Variants in IRAG1 observed in about 807,000 individuals in gnomAD.
The protein encoded by IRAG1 is inositol 1,4,5-triphosphate receptor associated 1, also known as IP3R-associated cGMP kinase substrate.
In IRAG1, 62 loss-of-function variants were observed where a neutral mutation model predicts 106.2. That is an observed-to-expected ratio of 0.58 (90% CI 0.48 to 0.72). The LOEUF is 0.72. Ranked by LOEUF, IRAG1 falls within the 30% of genes least tolerant of loss-of-function variation. IRAG1 has a pLI of 0.00. For synonymous variants in IRAG1, 462 were observed against 443.9 expected (o/e 1.04, Z -0.51); for missense variants, 1,064 against 1,140.7 (o/e 0.93, Z 0.97).
intron 4 of IRAG1, among the ~76,000 whole-genome samples, chr11:10,630,944 G>C (rs1273836664): frequency 6.6e-6 from 1 of 152,208 alleles, no homozygotes; most frequent in Non-Finnish European, 1.5e-5. Context: ...GGATTGGCTC[G>C]GGGATGGCCA....
chr11:10,618,455 G>C (rs540038642), intron 10 of IRAG1, among the ~76,000 whole-genome samples: 1 of 152,220 alleles, frequency 6.6e-6, no homozygotes, highest in Non-Finnish European at 1.5e-5. Flanking sequence ...CAATGAGCTG[G>C]GAGCTAAGGA....
chr11:10,627,073 G>T (rs1250982796), intron 8 of IRAG1, among the ~76,000 whole-genome samples: 1 of 152,168 alleles, frequency 6.6e-6, no homozygotes, highest in Admixed American at 6.5e-5. Context: ...TCTTGCAAAG[G>T]TGATGTCTTC....
At chr11:10,652,369 G>A (rs1360566562) in intron 1 of IRAG1, 187 bp from the exon 2 acceptor site, 2 of 1,419,848 alleles carry the variant, frequency 1.4e-6, no homozygotes, top group African/African-American at 2.9e-5. Context: ...TGTTTACAAA[G>A]TCAGAGGTGA....
intron 1 of IRAG1, among the ~76,000 whole-genome samples, chr11:10,676,511 T>C (rs1268310691): frequency 6.6e-6 from 1 of 152,192 alleles, no homozygotes; most frequent in East Asian, 1.9e-4. Flanking sequence ...TGGGTTGTAA[T>C]TGAGGAATGA....
Position 10,693,551 on chromosome 11 carries a change from TCTC to T in IRAG1, c.49_51del (p.Glu17del). On this transcript the variant is annotated inframe_deletion, in exon 1 of 21. Coordinates refer to ENST00000423302, the MANE Select transcript of IRAG1 (RefSeq NM_130385.4). ...GGAGGCTTACCTAAAACTGAGTTAT[TCTC>T]CTTTCCTCCTCTGGCCAGCCTCTCT... 1.3e-6 allele frequency: 2 copies of T among 1,535,614 alleles called. No individual in the cohort carries two copies. The highest frequency in any genetic ancestry group is 1.7e-6 in the Non-Finnish European group (2 of 1,146,880).
At chr11:10,582,029 G>C (rs190055172) in intron 18 of IRAG1, 43 bp from the exon 19 acceptor site, 8 of 1,576,130 alleles carry the variant, frequency 5.1e-6, no homozygotes, top group Non-Finnish European at 6.9e-6. Flanking sequence ...TCAGAAAAAG[G>C]TGGAGGCCTA....
rs973469909 is a variant in IRAG1, at chr11:10,627,891, C to A, written c.705+82G>T. The A allele has an allele frequency of 8.3e-6, 13 of 1,572,630 alleles. No individual in the cohort carries two copies. In the African/African-American group the frequency reaches 1.6e-4, roughly 20 times the overall value. ...CCCAGCACCCTCATCTCCAGTGGGT[C>A]ACGAAGGGCCTCCTGGTGTTCGGGG... On this transcript the variant is annotated intron_variant, in intron 7 of 20. Coordinates refer to ENST00000423302, the MANE Select transcript of IRAG1 (RefSeq NM_130385.4).
chr11:10,614,140 C>T (rs182628651), intron 10 of IRAG1, among the ~76,000 whole-genome samples: 2 of 152,240 alleles, frequency 1.3e-5, no homozygotes, highest in African/African-American at 4.8e-5. Context: ...CCAGTAAAGG[C>T]TTGGGGCCAT....
intron 18 of IRAG1, among the ~76,000 whole-genome samples, chr11:10,587,910 C>G (rs1002397687): frequency 2.4e-4 from 36 of 152,342 alleles, no homozygotes; most frequent in African/African-American, 7.9e-4. Context: ...TGTGTAACCT[C>G]AGGCAAGTGA....
chr11:10,638,896 A>C (rs1264108879), intron 2 of IRAG1, among the ~76,000 whole-genome samples: 2 of 152,284 alleles, frequency 1.3e-5, no homozygotes, highest in East Asian at 3.9e-4. Context: ...CAGGCTGCTA[A>C]ATAAGTAAAA....
chr11:10,579,722 T>C (rs1851201634), intron 20 of IRAG1, among the ~76,000 whole-genome samples: 1 of 152,154 alleles, frequency 6.6e-6, no homozygotes, highest in South Asian at 2.1e-4. Context: ...TAATACTTCA[T>C]TGCATGGAGT....
intron 1 of IRAG1, among the ~76,000 whole-genome samples, chr11:10,673,806 AC>A (rs1342781554): frequency 2.0e-5 from 3 of 152,194 alleles, no homozygotes; most frequent in Non-Finnish European, 4.4e-5. Flanking sequence ...ATGATTTATA[AC>A]GTGCCTTCCA....
intron 18 of IRAG1, among the ~76,000 whole-genome samples, chr11:10,587,401 C>A (rs1255807360): frequency 6.6e-6 from 1 of 152,102 alleles, no homozygotes; most frequent in African/African-American, 2.4e-5. Flanking sequence ...CCCAGGGAAC[C>A]CAAGCTTCCT....
chr11:10,654,017 A>C (rs754360488), intron 1 of IRAG1, among the ~76,000 whole-genome samples: 33 of 152,234 alleles, frequency 2.2e-4, no homozygotes, highest in Non-Finnish European at 4.3e-4. Context: ...GTGGGGGTGG[A>C]GATGAAGGAC....
At chr11:10,648,993 G>GTTCTT (rs779015835) in intron 2 of IRAG1, among the ~76,000 whole-genome samples, 5 of 152,178 alleles carry the variant, frequency 3.3e-5, no homozygotes, top group Non-Finnish European at 7.3e-5. Context: ...AGGATGCTCT[G>GTTCTT]TTCTTTGCCT....
chr11:10,675,100 G>A (rs766910112), intron 1 of IRAG1, among the ~76,000 whole-genome samples: 12 of 152,210 alleles, frequency 7.9e-5, no homozygotes, highest in East Asian at 1.9e-4. Context: ...CAGCCCCTGG[G>A]CTCCCTGAAG....
At chr11:10,598,300 T>C (rs1853558578) in intron 15 of IRAG1, among the ~76,000 whole-genome samples, 1 of 152,250 alleles carries the variant, frequency 6.6e-6, no homozygotes, top group Admixed American at 6.5e-5. Context: ...GGTATTTCAA[T>C]TTATTTTCTT....
At chr11:10,668,642 C>T (rs1482527001) in intron 1 of IRAG1, among the ~76,000 whole-genome samples, 1 of 152,176 alleles carries the variant, frequency 6.6e-6, no homozygotes, top group Non-Finnish European at 1.5e-5. Context: ...TTAGCCAACC[C>T]TGCTCTAACA....
At chr11:10,593,364 C>G (rs3741033) in intron 17 of IRAG1, 128 bp downstream of exon 17, 266,476 of 670,384 alleles carry the variant, frequency 0.4, 57,437 homozygotes, top group East Asian at 0.7. Context: ...CACTCAGATT[C>G]TATTCTGGAA....
Sources: allele counts gnomAD v4.1 joint callset (sites outside exome capture counted in the v4.1 genomes callset), GRCh38; gene constraint gnomAD v4.1.1; transcripts MANE v1.5; gene names NCBI Gene and HGNC (gene_info 2026-07-23, HGNC 2026-07-21).